The following HMGCLL1 variants were observed in gnomAD, a reference collection of about 807,000 sequenced individuals.
HMGCLL1 encodes 3-hydroxymethyl-3-methylglutaryl-CoA lyase, cytoplasmic.
In HMGCLL1, 36 loss-of-function variants were observed where a neutral mutation model predicts 39.1. The ratio of observed to expected loss-of-function variants is 0.92; its 90% CI spans 0.71 to 1.22. The LOEUF is 1.22. Ranked by LOEUF, HMGCLL1 falls within the 50% of genes most tolerant of loss-of-function variation. HMGCLL1 has a pLI of 0.00. For synonymous variants in HMGCLL1, 149 were observed against 144.0 expected, an observed-to-expected ratio of 1.03 and a Z score of -0.25; for missense variants, 451 against 416.5, an observed-to-expected ratio of 1.08 and a Z score of -0.72.
At chr6:55,465,731 G>A (rs963556405) in intron 7 of HMGCLL1, among the ~76,000 whole-genome samples, 9 of 151,968 alleles carry the variant, frequency 5.9e-5, no homozygotes, top group Admixed American at 3.3e-4. Context: ...ATCTGGTAAC[G>A]TTCTGACTAC....
the HMGCLL1 span, among the ~76,000 whole-genome samples, chr6:55,630,575 A>G: frequency 6.6e-6 from 1 of 152,070 alleles, no homozygotes; most frequent in African/African-American, 2.4e-5. Context: ...GGGTGAAATG[A>G]TATAATTTGG....
In HMGCLL1 at chr6:55,573,860, C is replaced by T. The variant is rs1771636598; in HGVS notation, c.108+5088G>A. 3.3e-5 allele frequency among the ~76,000 whole-genome samples: 5 copies of T among 151,950 alleles called. No homozygotes were observed. In the South Asian group the frequency reaches 1.0e-3, roughly 31 times the overall value. On this transcript the variant is annotated intron_variant, in intron 1 of 8. Coordinates refer to ENST00000274901, the MANE Select transcript of HMGCLL1 (RefSeq NM_001042406.2). ...CCAAGAAGTGTTGTACATTATTAGC[C>T]AGATGAATGCAAAAGAAAGTATGCC... is the stretch of plus-strand genomic sequence containing the variant.
chr6:55,577,070 A>G (rs745577552), intron 1 of HMGCLL1: 1 of 1,613,056 alleles, frequency 6.2e-7, no homozygotes, highest in South Asian at 1.1e-5. Context: ...GGGCATCTGG[A>G]TATTTACCCA....
chr6:55,501,546 C>T (rs889073282), intron 5 of HMGCLL1, among the ~76,000 whole-genome samples: 2 of 151,830 alleles, frequency 1.3e-5, no homozygotes, highest in Non-Finnish European at 2.9e-5. Context: ...ACTGAATTCT[C>T]TTATTTGACA....
chr6:55,616,014 G>A, the HMGCLL1 span, among the ~76,000 whole-genome samples: 1 of 152,016 alleles, frequency 6.6e-6, no homozygotes, highest in Non-Finnish European at 1.5e-5. Flanking sequence ...AATTTCTTAA[G>A]AGAAAATATT....
chr6:55,597,531 G>GA, the HMGCLL1 span, among the ~76,000 whole-genome samples: 5 of 150,970 alleles, frequency 3.3e-5, no homozygotes, highest in Admixed American at 3.3e-4. Flanking sequence ...AAAAAAGAAG[G>GA]AAAAAAAAGA....
At chr6:55,586,561 C>G in the HMGCLL1 span, among the ~76,000 whole-genome samples, 1 of 137,564 alleles carries the variant, frequency 7.3e-6, no homozygotes, top group Admixed American at 7.6e-5. Context: ...CACCCTACAA[C>G]AGGCCCCAGT....
chr6:55,439,586 G>C (rs1296044165), intron 7 of HMGCLL1, 27 bp from the exon 8 acceptor site: 2 of 1,605,514 alleles, frequency 1.2e-6, no homozygotes, highest in Admixed American at 1.7e-5. Flanking sequence ...ACCACCTAAA[G>C]CTTGTGTGTT....
At chr6:55,504,592 T>G (rs751779356) in intron 5 of HMGCLL1, among the ~76,000 whole-genome samples, 3 of 151,696 alleles carry the variant, frequency 2.0e-5, no homozygotes, top group Non-Finnish European at 4.4e-5. Flanking sequence ...CTTTAAATCA[T>G]CTCTAGATTA....
intron 7 of HMGCLL1, among the ~76,000 whole-genome samples, chr6:55,494,505 C>A (rs1270266599): frequency 6.6e-6 from 1 of 152,104 alleles, no homozygotes; most frequent in Non-Finnish European, 1.5e-5. Flanking sequence ...ATAGAACGTT[C>A]TTTTCTTGCT....
chr6:55,510,379 T>A (rs1272617934), intron 5 of HMGCLL1, among the ~76,000 whole-genome samples: 1 of 151,656 alleles, frequency 6.6e-6, no homozygotes, highest in Non-Finnish European at 1.5e-5. Flanking sequence ...TAGCAAAGAC[T>A]TGGAACCAAC....
At chr6:55,608,003 C>T in the HMGCLL1 span, among the ~76,000 whole-genome samples, 4 of 152,204 alleles carry the variant, frequency 2.6e-5, no homozygotes, top group South Asian at 8.3e-4. Flanking sequence ...TACTTCTGCT[C>T]TTTTAATGCA....
chr6:55,476,771 T>A (rs1017141675), intron 7 of HMGCLL1, among the ~76,000 whole-genome samples: 3 of 151,602 alleles, frequency 2.0e-5, no homozygotes, highest in African/African-American at 7.3e-5. Context: ...TGAAATATTT[T>A]ATTAGGATAC....
chr6:55,478,640 T>C (rs1369387037), intron 7 of HMGCLL1, among the ~76,000 whole-genome samples: 1 of 151,392 alleles, frequency 6.6e-6, no homozygotes, highest in Non-Finnish European at 1.5e-5. Flanking sequence ...GGATGAGTAG[T>C]CATGTAGATA....
chr6:55,499,295 CATACCTAA>C lies in HMGCLL1; in HGVS notation c.543-4_546del. The C allele has an allele frequency of 6.3e-7, 1 of 1,595,500 alleles. No individual in the cohort carries two copies. On this transcript the variant is annotated splice_acceptor_variant and splice_polypyrimidine_tract_variant and coding_sequence_variant and intron_variant, in exon 6 of 9. Transcript: ENST00000274901. LOFTEE classifies it high-confidence loss of function. ...TATGGACAGCCCAGAGCACAAGACA[CATACCTAA>C]ATTAAAAATACAGCCTTATAAATAT...
At chr6:55,623,155 C>T in the HMGCLL1 span, among the ~76,000 whole-genome samples, 1 of 151,850 alleles carries the variant, frequency 6.6e-6, no homozygotes, top group Admixed American at 6.6e-5. Context: ...CTTAGCCTGG[C>T]TCAACTAAAA....
rs191884260 is a variant in HMGCLL1 at position 55,516,653 on chromosome 6, C to T, written c.298-50G>A. 2.1e-4 allele frequency: 253 copies of T among 1,227,978 alleles called. No homozygotes were observed. In the African/African-American group the frequency reaches 3.2e-3, roughly 16 times the overall value. The allele number at this position is 1,227,978 out of a possible 1,614,324, so 76.1% of individuals were successfully genotyped here. A position where few individuals can be genotyped will look rare whatever the true frequency, so the allele number is the denominator to read the frequency against. On this transcript the variant is annotated intron_variant, in intron 3 of 8. Coordinates refer to ENST00000274901, the MANE Select transcript of HMGCLL1 (RefSeq NM_001042406.2). ...AAATGTGTAACTTCGAATATGTTACCGAGAATCATTTTAGTTTCAGGTAGG... is the reference window on the plus strand; with the variant it reads ...AAATGTGTAACTTCGAATATGTTACTGAGAATCATTTTAGTTTCAGGTAGG...
intron 1 of HMGCLL1, chr6:55,577,113 C>G (rs751656245): frequency 1.1e-5 from 17 of 1,612,336 alleles, no homozygotes; most frequent in Non-Finnish European, 1.4e-5. Flanking sequence ...GCCAAGGAGA[C>G]TGAGAAGCCA....
intron 1 of HMGCLL1, among the ~76,000 whole-genome samples, chr6:55,542,956 A>C (rs1246564821): frequency 8.4e-6 from 1 of 118,468 alleles, no homozygotes; most frequent in Admixed American, 1.1e-4. Context: ...GTGTATATAA[A>C]TAATATATAA....
Sources: allele counts gnomAD v4.1 joint callset (sites outside exome capture counted in the v4.1 genomes callset), GRCh38; gene constraint gnomAD v4.1.1; transcripts MANE v1.5; gene names NCBI Gene and HGNC (gene_info 2026-07-23, HGNC 2026-07-21).